TRMT9B: variants seen among roughly 807,000 people sequenced by gnomAD.
TRMT9B encodes tRNA methyltransferase 9B (putative).
TRMT9B carries 16 observed loss-of-function variants against 11.5 expected under a neutral mutation model. The ratio of observed to expected loss-of-function variants is 1.39; its 90% confidence interval spans 0.94 to 2.11. TRMT9B has a LOEUF of 2.11. Among genes scored for constraint, TRMT9B ranks in the 30% most tolerant of loss-of-function variants. The probability of loss-of-function intolerance (pLI) is 0.00; values close to 1 mark genes in which losing one functional copy is unlikely to be tolerated. For missense variants in TRMT9B, 941 were observed against 553.8 expected (o/e 1.70, Z -7.02); for synonymous variants, 274 against 192.4 (o/e 1.42, Z -3.51).
At position 13,022,548 on chromosome 8, in the gene TRMT9B, C is replaced by G. The variant is rs1449921615; in HGVS notation, c.*504C>G. 1 of 167,116 alleles carries G rather than the reference C, an allele frequency of 6.0e-6. No individual in the cohort carries two copies. Among genetic ancestry groups the G allele is most frequent in the Non-Finnish European group, 1.5e-5 (1 of 68,188 alleles). The allele number at this position is 167,116 out of a possible 1,614,324, so 10.4% of individuals were successfully genotyped here. On this transcript the variant is annotated 3_prime_UTR_variant, in exon 5 of 5. Transcript: ENST00000524591. ...TGATGAGTTATCTTGTTGCCAAGGC[C>G]TTGCTTCTACTTAAAGTTTTCAGAA...
At chr8:12,963,318 C>A (rs147639988) in intron 1 of TRMT9B, among the ~76,000 whole-genome samples, 2 of 151,812 alleles carry the variant, frequency 1.3e-5, no homozygotes, top group Admixed American at 6.6e-5. Context: ...CTGTAATCCC[C>A]GCTACTCAGG....
chr8:12,988,676 G>T (rs1248978499), intron 1 of TRMT9B, among the ~76,000 whole-genome samples: 2 of 152,060 alleles, frequency 1.3e-5, no homozygotes. Context: ...ACAGCATGAG[G>T]GTAACCACCC....
At chr8:13,019,361 G>A (rs534383) in intron 4 of TRMT9B, among the ~76,000 whole-genome samples, 2,377 of 152,264 alleles carry the variant, frequency 0.016, 70 homozygotes, top group African/African-American at 0.054. Context: ...GCATGATCAT[G>A]GCCCACTGCA....
chr8:12,981,959 A>G (rs1805465637), intron 1 of TRMT9B, among the ~76,000 whole-genome samples: 1 of 152,200 alleles, frequency 6.6e-6, no homozygotes, highest in African/African-American at 2.4e-5. Context: ...GTTCAATTTC[A>G]AAGGACTCTC....
At position 13,027,357 on chromosome 8, in the gene TRMT9B, G is replaced by T. The variant is rs1344570734; in HGVS notation, c.*5313G>T. On this transcript the variant is annotated 3_prime_UTR_variant, in exon 5 of 5. Coordinates refer to ENST00000524591, the MANE Select transcript of TRMT9B (RefSeq NM_020844.3). Reference sequence around the variant, plus strand: ...AAACAACCCTCCCTTAGAGAATCATGATGCATATTAGCATATTTAAGGAGT... The same window carrying T: ...AAACAACCCTCCCTTAGAGAATCATTATGCATATTAGCATATTTAAGGAGT... 1 of 167,008 alleles carries T rather than the reference G, an allele frequency of 6.0e-6. No homozygotes were observed. The highest frequency in any genetic ancestry group is 1.5e-5 in the Non-Finnish European group (1 of 68,122). 10.3% of individuals were successfully genotyped at this position (167,008 alleles called of 1,614,324 possible). A position where few individuals can be genotyped will look rare whatever the true frequency, so the allele number is the denominator to read the frequency against.
At chr8:12,952,164 G>C (rs1800713521) in intron 1 of TRMT9B, 1 of 454,674 alleles carries the variant, frequency 2.2e-6, no homozygotes, top group Non-Finnish European at 4.4e-6. Flanking sequence ...CGCAACGGGA[G>C]AGCTGCTGCC....
At chr8:13,008,895 A>C (rs1323206943) in intron 3 of TRMT9B, among the ~76,000 whole-genome samples, 1 of 151,952 alleles carries the variant, frequency 6.6e-6, no homozygotes, top group Non-Finnish European at 1.5e-5. Flanking sequence ...CGCCCAGCTA[A>C]TTTTTTGTAT....
intron 1 of TRMT9B, among the ~76,000 whole-genome samples, chr8:12,971,362 C>T (rs371756926): frequency 2.6e-5 from 4 of 152,224 alleles, no homozygotes; most frequent in East Asian, 1.9e-4. Flanking sequence ...CAGGGAACGG[C>T]GGGCCTGGGC....
chr8:12,962,444 G>A (rs577775588), intron 1 of TRMT9B, among the ~76,000 whole-genome samples: 2 of 151,938 alleles, frequency 1.3e-5, no homozygotes, highest in South Asian at 4.2e-4. Flanking sequence ...GAAGATTTTC[G>A]TTCTCCTTAA....
Position 12,990,983 on chromosome 8 carries a change from G to A in TRMT9B, c.-50G>A. 2 of 1,284,540 alleles carry A rather than the reference G, an allele frequency of 1.6e-6. No homozygotes were observed. The highest frequency in any genetic ancestry group is 2.0e-6 in the Non-Finnish European group (2 of 985,906). 79.6% of individuals were successfully genotyped at this position (1,284,540 alleles called of 1,614,324 possible). On this transcript the variant is annotated 5_prime_UTR_variant, in exon 2 of 5. Coordinates refer to ENST00000524591, the MANE Select transcript of TRMT9B (RefSeq NM_020844.3). ...ACTCTCTGGAGGTGGAGACTGCCGTGATTCACAAAGACAAGAGGTAATTTT... is the reference window on the plus strand; with the variant it reads ...ACTCTCTGGAGGTGGAGACTGCCGTAATTCACAAAGACAAGAGGTAATTTT...
intron 1 of TRMT9B, among the ~76,000 whole-genome samples, chr8:12,958,985 C>G (rs750695322): frequency 8.5e-5 from 13 of 152,080 alleles, no homozygotes; most frequent in Non-Finnish European, 1.3e-4. Flanking sequence ...GGAGAAATAT[C>G]TAATGTAAAT....
At chr8:12,987,014 A>G (rs761275960) in intron 1 of TRMT9B, among the ~76,000 whole-genome samples, 22 of 152,182 alleles carry the variant, frequency 1.4e-4, no homozygotes, top group Admixed American at 6.5e-4. Flanking sequence ...CATGATGTTC[A>G]GAAGCTGGAC....
intron 2 of TRMT9B, among the ~76,000 whole-genome samples, chr8:12,991,671 G>T (rs1009841262): frequency 2.0e-5 from 3 of 152,272 alleles, no homozygotes; most frequent in Admixed American, 6.5e-5. Flanking sequence ...ATTGGCTCAT[G>T]CCTGTAATTC....
chr8:12,980,589 G>T (rs938208965), intron 1 of TRMT9B, among the ~76,000 whole-genome samples: 2 of 152,092 alleles, frequency 1.3e-5, no homozygotes, highest in Non-Finnish European at 2.9e-5. Context: ...AATGCCGTGA[G>T]ATATTAAAGC....
intron 1 of TRMT9B, among the ~76,000 whole-genome samples, chr8:12,977,279 A>T (rs898280062): frequency 3.3e-5 from 5 of 152,142 alleles, no homozygotes; most frequent in African/African-American, 1.2e-4. Flanking sequence ...CAATCACAAG[A>T]TCAGCCTGGA....
intron 1 of TRMT9B, among the ~76,000 whole-genome samples, chr8:12,968,710 G>T (rs992065475): frequency 1.3e-4 from 20 of 152,150 alleles, no homozygotes; most frequent in African/African-American, 4.8e-4. Flanking sequence ...GCCCCTCCCT[G>T]AGTCGCGAGA....
At chr8:12,980,452 G>T (rs942410746) in intron 1 of TRMT9B, among the ~76,000 whole-genome samples, 1 of 152,114 alleles carries the variant, frequency 6.6e-6, no homozygotes, top group Non-Finnish European at 1.5e-5. Context: ...TAGGATGTGG[G>T]CATGTCATGG....
intron 3 of TRMT9B, among the ~76,000 whole-genome samples, chr8:13,008,339 G>T (rs1038266481): frequency 2.6e-5 from 4 of 152,162 alleles, no homozygotes; most frequent in African/African-American, 7.2e-5. Flanking sequence ...AAAATCACCA[G>T]TAAAAACTGT....
intron 3 of TRMT9B, chr8:13,011,661 C>G: frequency 2.0e-6 from 2 of 979,790 alleles, no homozygotes; most frequent in Non-Finnish European, 2.4e-6. Flanking sequence ...TCAGTAAGAC[C>G]TCAATGATCT....
Sources: gnomAD v4.1 joint callset for allele counts (sites outside exome capture counted in the v4.1 genomes callset) on GRCh38, gnomAD v4.1.1 for gene constraint, MANE v1.5 for transcripts, NCBI Gene and HGNC (gene_info 2026-07-23, HGNC 2026-07-21) for gene names.